Variants in HIVEP3 observed in about 807,000 individuals in gnomAD.
The protein encoded by HIVEP3 is transcription factor HIVEP3.
HIVEP3 carries 49 observed loss-of-function variants against 152.8 expected under a neutral mutation model. The ratio of observed to expected loss-of-function variants is 0.32; its 90% CI spans 0.26 to 0.41. The LOEUF is 0.41. Among genes scored for constraint, HIVEP3 ranks in the 10% least tolerant of loss-of-function variants. The pLI, the probability that HIVEP3 is intolerant of heterozygous loss-of-function variation, is 1.00. For synonymous variants in HIVEP3, 1,269 were observed against 1,289.0 expected, an observed-to-expected ratio of 0.98 and a Z score of 0.33; for missense variants, 2,790 against 3,103.3, an observed-to-expected ratio of 0.90 and a Z score of 2.40.
intron 2 of HIVEP3, among the ~76,000 whole-genome samples, chr1:41,694,228 C>T (rs1308362333): frequency 1.3e-5 from 2 of 152,098 alleles, no homozygotes; most frequent in Non-Finnish European, 1.5e-5. Context: ...TATTTTGGTA[C>T]CACCTTCTTG....
chr1:41,654,168 T>C (rs1325947000), intron 2 of HIVEP3, among the ~76,000 whole-genome samples: 1 of 152,152 alleles, frequency 6.6e-6, no homozygotes, highest in Non-Finnish European at 1.5e-5. Flanking sequence ...TTGGTGAACT[T>C]TCACTGAATA....
At chr1:41,688,480 G>A (rs1646146073) in intron 2 of HIVEP3, among the ~76,000 whole-genome samples, 1 of 152,204 alleles carries the variant, frequency 6.6e-6, no homozygotes, top group Non-Finnish European at 1.5e-5. Flanking sequence ...TGGGATCCAG[G>A]TTTCTGGCCT....
chr1:41,950,274 G>T (rs1645098910), intron 1 of HIVEP3, among the ~76,000 whole-genome samples: 1 of 152,030 alleles, frequency 6.6e-6, no homozygotes, highest in South Asian at 2.1e-4. Flanking sequence ...CCTTTGTATG[G>T]GAGTTCTGTT....
rs759038416 is a variant in HIVEP3 at position 41,605,367 on chromosome 1, GCACA to G, written c.-521-20053_-521-20050del. Among the ~76,000 whole-genome samples, 60 of 111,780 alleles carry G rather than the reference GCACA, an allele frequency of 5.4e-4. 1 individual carries two copies. The highest frequency in any genetic ancestry group is 2.3e-3 in the African/African-American group (57 of 24,666). The allele number at this position is 111,780 out of a possible 152,430, so 73.3% of individuals were successfully genotyped here. ...TTACATAGATATTACATACACACACGCACACGCGCACACACACACACACACACAC... is the reference window on the plus strand; with the variant it reads ...TTACATAGATATTACATACACACACGCGCGCACACACACACACACACACAC... On this transcript the variant is annotated intron_variant, in intron 3 of 8. Transcript: ENST00000372583.
chr1:41,888,572 A>G (rs1176142269), intron 1 of HIVEP3, among the ~76,000 whole-genome samples: 1 of 151,954 alleles, frequency 6.6e-6, no homozygotes, highest in Non-Finnish European at 1.5e-5. Flanking sequence ...TAGGCCTTGT[A>G]GAGAATAAGG....
chr1:41,580,914 C>A lies in HIVEP3; in HGVS notation c.3884G>T (p.Ser1295Ile). Residue 1295 changes from serine to isoleucine, a missense_variant, in exon 4 of 9, where the codon AGC (serine) becomes ATC (isoleucine). Around this residue, in one of 9 missense-constraint regions of HIVEP3, gnomAD observed 1,078 missense variants for 1,165.3 expected, o/e 0.93. Transcript: ENST00000372583. Reference sequence around the variant, plus strand: ...AGGAGCTGATGTAGGTGCTGAGGAGCTGGCTGGGGGAGCCACAGGGGGTAG... The same window carrying A: ...AGGAGCTGATGTAGGTGCTGAGGAGATGGCTGGGGGAGCCACAGGGGGTAG... ...IRLPPVAPPA[S>I]SSAPTSAPPL... The A allele has an allele frequency of 6.2e-7, 1 of 1,612,690 alleles. No individual in the cohort carries two copies. Among genetic ancestry groups the A allele is most frequent in the Non-Finnish European group, 8.5e-7 (1 of 1,179,466 alleles).
chr1:41,537,745 T>G (rs1412082762), intron 5 of HIVEP3, among the ~76,000 whole-genome samples: 3 of 152,200 alleles, frequency 2.0e-5, no homozygotes, highest in African/African-American at 7.2e-5. Context: ...ACACCCCAGA[T>G]TCTCCTTTTG....
At chr1:41,639,064 C>T (rs1377068258) in intron 2 of HIVEP3, among the ~76,000 whole-genome samples, 3 of 152,206 alleles carry the variant, frequency 2.0e-5, no homozygotes, top group South Asian at 2.1e-4. Flanking sequence ...CTGAACGGAA[C>T]GTCTGCAGAA....
At chr1:41,554,418 G>T (rs930008267) in intron 5 of HIVEP3, among the ~76,000 whole-genome samples, 3 of 152,086 alleles carry the variant, frequency 2.0e-5, no homozygotes, top group Non-Finnish European at 2.9e-5. Flanking sequence ...TAGCTTCCTT[G>T]CGATGGGTTC....
chr1:41,972,858 G>A (rs546708038), intron 1 of HIVEP3, among the ~76,000 whole-genome samples: 26 of 152,020 alleles, frequency 1.7e-4, no homozygotes, highest in African/African-American at 5.3e-4. Flanking sequence ...TTCTCTGAGT[G>A]GGTTCTTCCA....
At chr1:41,992,315 T>C (rs1394478432) in intron 1 of HIVEP3, among the ~76,000 whole-genome samples, 1 of 151,632 alleles carries the variant, frequency 6.6e-6, no homozygotes, top group Admixed American at 6.6e-5. Context: ...GGATACAAAA[T>C]AAATGTACAA....
chr1:41,993,961 G>T (rs1168213147), intron 1 of HIVEP3, among the ~76,000 whole-genome samples: 1 of 142,960 alleles, frequency 7.0e-6, no homozygotes, highest in Admixed American at 7.4e-5. Context: ...GAGATCACAT[G>T]GACACAGGAA....
At chr1:41,723,847 T>C (rs1646713629) in intron 1 of HIVEP3, among the ~76,000 whole-genome samples, 1 of 152,158 alleles carries the variant, frequency 6.6e-6, no homozygotes, top group East Asian at 1.9e-4. Context: ...AGCACTTTCA[T>C]AGGTTTCTTC....
chr1:41,576,456 C>A (rs956332474), intron 4 of HIVEP3, among the ~76,000 whole-genome samples: 1 of 152,230 alleles, frequency 6.6e-6, no homozygotes, highest in African/African-American at 2.4e-5. Context: ...AAGAACACGT[C>A]CTGTAAACAC....
In HIVEP3 at chr1:41,981,230, C is replaced by T. The variant is rs116212137; in HGVS notation, n.119+54577G>A. ...AAAGGGAGCAAGCTCTTACAGGGAG[C>T]TTGGCAACATTTGCATCAGCCTGGT... On this transcript the variant is annotated intron_variant and non_coding_transcript_variant, in intron 1 of 3. Coordinates refer to the HIVEP3 transcript ENST00000489103. 3.2e-3 allele frequency among the ~76,000 whole-genome samples: 485 copies of T among 152,288 alleles called. 2 individuals carry two copies. Among genetic ancestry groups the T allele is most frequent in the African/African-American group, 0.011 (463 of 41,550 alleles).
At chr1:41,904,476 G>A (rs2786486) in intron 1 of HIVEP3, among the ~76,000 whole-genome samples, 33,184 of 151,980 alleles carry the variant, frequency 0.22, 3,975 homozygotes, top group African/African-American at 0.3. Context: ...AGGTAAAATG[G>A]TCATCTTCTA....
Position 41,580,677 on chromosome 1 carries a change from T to G in HIVEP3, c.4121A>C (p.His1374Pro). 1 of 1,612,226 alleles carries G rather than the reference T, an allele frequency of 6.2e-7. No individual in the cohort carries two copies. The highest frequency in any genetic ancestry group is 8.5e-7 in the Non-Finnish European group (1 of 1,179,022). The stretch of plus-strand genomic sequence containing the variant: ...CCCAGAAGGGCCGGGCCCAACCTCA[T>G]GCACATCTGCACCACATACAGTCGT... ...KGTTVCGADVHEVGPGPSGLS... is the reference protein window; with the variant it reads ...KGTTVCGADVPEVGPGPSGLS... The change falls in exon 4 of 9, where the codon CAT becomes CCT. Residue 1374 changes from histidine (H) to proline (P), a missense_variant. This residue lies in a region of HIVEP3 where 1,078 missense variants were observed against 1,165.3 expected (regional missense o/e 0.93). Coordinates refer to ENST00000372583, the MANE Select transcript of HIVEP3 (RefSeq NM_024503.5).
intron 3 of HIVEP3, among the ~76,000 whole-genome samples, chr1:41,587,178 A>T (rs1239117010): frequency 6.6e-6 from 1 of 152,194 alleles, no homozygotes; most frequent in Non-Finnish European, 1.5e-5. Flanking sequence ...GAGATCATTT[A>T]TGTCTTCAAT....
At chr1:41,607,311 T>C (rs1201963537) in intron 3 of HIVEP3, among the ~76,000 whole-genome samples, 1 of 152,250 alleles carries the variant, frequency 6.6e-6, no homozygotes, top group Non-Finnish European at 1.5e-5. Flanking sequence ...GAGGTTTTCT[T>C]GGTTTTAACA....
Sources: gnomAD v4.1 joint callset for allele counts (sites outside exome capture counted in the v4.1 genomes callset) on GRCh38, gnomAD v4.1.1 for gene constraint, gnomAD v4.1.1 regional missense constraint, MANE v1.5 for transcripts, NCBI Gene and HGNC (gene_info 2026-07-23, HGNC 2026-07-21) for gene names.